The following TRHDE variants were observed in gnomAD, a reference collection of about 807,000 sequenced individuals.
The protein encoded by TRHDE is thyrotropin releasing hormone degrading enzyme.
Under a neutral mutation model 125.7 loss-of-function variants are expected in TRHDE, and 72 were observed. The observed-to-expected ratio is 0.57, with a 90% CI of 0.47 to 0.70. TRHDE has a LOEUF of 0.70. Among genes scored for constraint, TRHDE ranks in the 30% least tolerant of loss-of-function variants. The probability of loss-of-function intolerance (pLI) is 0.00; values close to 1 mark genes in which losing one functional copy is unlikely to be tolerated. For synonymous variants in TRHDE, 509 were observed against 509.1 expected, an observed-to-expected ratio of 1.00 and a Z score of 0.00; for missense variants, 1,110 against 1,327.1, an observed-to-expected ratio of 0.84 and a Z score of 2.54.
At chr12:72,472,227 C>T (rs1426254194) in intron 4 of TRHDE, among the ~76,000 whole-genome samples, 2 of 152,238 alleles carry the variant, frequency 1.3e-5, no homozygotes, top group African/African-American at 4.8e-5. Flanking sequence ...AAAATGTCAG[C>T]TGCATGAGGA....
chr12:72,583,923 CT>C (rs1190363456), intron 12 of TRHDE, among the ~76,000 whole-genome samples: 265 of 60,438 alleles, frequency 4.4e-3, no homozygotes, highest in Admixed American at 7.9e-3. Context: ...GGATGACAAA[CT>C]TTTTTTTTTT....
In TRHDE at chr12:72,440,586, A is replaced by T. The variant is rs1022871110; in HGVS notation, c.1316-29172A>T. ...GCTAGCACATATATTGACTTATTTA[A>T]TCTTCATAACAGTCCTATGATATAT... On this transcript the variant is annotated intron_variant, in intron 3 of 18. Transcript: ENST00000261180. 3.3e-5 allele frequency among the ~76,000 whole-genome samples: 5 copies of T among 151,978 alleles called. No homozygotes were observed. The South Asian group carries it at 1.0e-3, about 31-fold the overall frequency.
At chr12:72,253,807 A>G (rs1043354038) in intron 2 of TRHDE, 80 of 152,064 alleles carry the variant, frequency 5.3e-4, no homozygotes, top group Admixed American at 5.2e-3. Context: ...CATCTTCTTT[A>G]GCCTGCCAAT....
intron 6 of TRHDE, among the ~76,000 whole-genome samples, chr12:72,510,519 A>G (rs1592499762): frequency 6.6e-6 from 1 of 152,264 alleles, no homozygotes; most frequent in East Asian, 1.9e-4. Flanking sequence ...AAGTTTAATG[A>G]TGTGCTCCAG....
At chr12:72,114,247 C>T (rs527973154) in intron 2 of TRHDE, among the ~76,000 whole-genome samples, 33 of 151,526 alleles carry the variant, frequency 2.2e-4, no homozygotes, top group African/African-American at 7.0e-4. Flanking sequence ...CAAGAGCATT[C>T]GAAAATACAG....
chr12:72,288,221 T>TA (rs1454582255), intron 2 of TRHDE, among the ~76,000 whole-genome samples: 1 of 152,172 alleles, frequency 6.6e-6, no homozygotes, highest in Non-Finnish European at 1.5e-5. Flanking sequence ...AATAGAAATC[T>TA]ATATTTTTAA....
intron 6 of TRHDE, among the ~76,000 whole-genome samples, chr12:72,539,602 T>C (rs1378752462): frequency 6.6e-6 from 1 of 151,838 alleles, no homozygotes; most frequent in Non-Finnish European, 1.5e-5. Context: ...CTGAGACTGA[T>C]GTGCATGCAA....
At chr12:72,634,167 C>G (rs1417205897) in intron 15 of TRHDE, among the ~76,000 whole-genome samples, 2 of 152,084 alleles carry the variant, frequency 1.3e-5, no homozygotes, top group Admixed American at 1.3e-4. Context: ...GAAGGGGAAA[C>G]TGACACATAG....
At chr12:72,450,749 A>G (rs2135869508) in intron 3 of TRHDE, among the ~76,000 whole-genome samples, 1 of 152,256 alleles carries the variant, frequency 6.6e-6, no homozygotes, top group African/African-American at 2.4e-5. Flanking sequence ...AATAATTTAC[A>G]TTCCCATCAA....
chr12:72,144,467 G>C (rs1275821924), intron 2 of TRHDE, among the ~76,000 whole-genome samples: 1 of 152,210 alleles, frequency 6.6e-6, no homozygotes, highest in Non-Finnish European at 1.5e-5. Context: ...AGTCTTTGAG[G>C]TTTTCTCTGA....
intron 2 of TRHDE, among the ~76,000 whole-genome samples, chr12:72,349,323 A>G (rs1443118884): frequency 1.3e-5 from 2 of 152,054 alleles, no homozygotes; most frequent in Non-Finnish European, 2.9e-5. Context: ...TTTATTAGAC[A>G]AATAGATGTT....
intron 2 of TRHDE, among the ~76,000 whole-genome samples, chr12:72,202,081 G>A (rs1877570770): frequency 6.6e-6 from 1 of 152,206 alleles, no homozygotes; most frequent in African/African-American, 2.4e-5. Context: ...TATATGGGAA[G>A]CCAGTTAATC....
chr12:72,459,645 CAG>C, intron 3 of TRHDE, among the ~76,000 whole-genome samples: 1 of 152,110 alleles, frequency 6.6e-6, no homozygotes, highest in East Asian at 1.9e-4. Flanking sequence ...CTTTTAGAGA[CAG>C]GGTCTCACTC....
chr12:72,145,178 G>T (rs1411205373), intron 2 of TRHDE, among the ~76,000 whole-genome samples: 1 of 152,094 alleles, frequency 6.6e-6, no homozygotes, highest in East Asian at 1.9e-4. Flanking sequence ...TTCTTACTGA[G>T]ATTTATTGTA....
intron 6 of TRHDE, among the ~76,000 whole-genome samples, chr12:72,529,837 A>G (rs974275549): frequency 5.3e-5 from 8 of 152,108 alleles, no homozygotes; most frequent in African/African-American, 1.9e-4. Flanking sequence ...CCTCACTCTC[A>G]TCTGATTACT....
chr12:72,538,901 C>G (rs1401799148), intron 6 of TRHDE, among the ~76,000 whole-genome samples: 6 of 135,826 alleles, frequency 4.4e-5, no homozygotes, highest in African/African-American at 1.5e-4. Context: ...AATTCCTTAT[C>G]CCTGGTATTC....
chr12:72,135,969 C>T (rs1487568198), intron 2 of TRHDE, among the ~76,000 whole-genome samples: 2 of 152,084 alleles, frequency 1.3e-5, no homozygotes, highest in Non-Finnish European at 2.9e-5. Context: ...ACTTTTGCTG[C>T]ATGGTTTGGT....
intron 1 of TRHDE, chr12:72,274,582 A>G (rs901445524): frequency 1.3e-5 from 2 of 152,200 alleles, no homozygotes; most frequent in African/African-American, 2.4e-5. Flanking sequence ...CAAGAACCCT[A>G]TGAGGTAGAC....
chr12:72,366,702 A>G (rs1298197496), intron 2 of TRHDE, among the ~76,000 whole-genome samples: 1 of 151,992 alleles, frequency 6.6e-6, no homozygotes, highest in African/African-American at 2.4e-5. Flanking sequence ...AAAAACCCCC[A>G]TAGTATGTAG....
Sources: gnomAD v4.1 joint callset for allele counts (sites outside exome capture counted in the v4.1 genomes callset) on GRCh38, gnomAD v4.1.1 for gene constraint, MANE v1.5 for transcripts, NCBI Gene and HGNC (gene_info 2026-07-23, HGNC 2026-07-21) for gene names.